The following MKLN1 variants were observed in gnomAD, a reference collection of about 807,000 sequenced individuals.
The protein encoded by MKLN1 is muskelin 1, also known as muskelin.
In MKLN1, 18 loss-of-function variants were observed where a neutral mutation model predicts 99.0. The observed-to-expected ratio is 0.18, with a 90% confidence interval of 0.13 to 0.27. The LOEUF (loss-of-function observed/expected upper bound fraction) is 0.27, where lower values mean the gene tolerates loss of function less well. MKLN1 is among the 10% of genes least tolerant of loss of function. The pLI is 1.00. For synonymous variants in MKLN1, 288 were observed against 293.2 expected (o/e 0.98, Z 0.18); for missense variants, 621 against 875.9 (o/e 0.71, Z 3.67).
At chr7:131,295,934 G>A (rs1429211907) in intron 3 of MKLN1, among the ~76,000 whole-genome samples, 1 of 150,670 alleles carries the variant, frequency 6.6e-6, no homozygotes, top group African/African-American at 2.4e-5. Flanking sequence ...AGCTTCATTA[G>A]TGCTTAGAAA....
intron 4 of MKLN1, among the ~76,000 whole-genome samples, chr7:131,395,592 G>T (rs1466634672): frequency 6.6e-6 from 1 of 151,592 alleles, no homozygotes; most frequent in Non-Finnish European, 1.5e-5. Context: ...GTACCAAGGT[G>T]CTAGCAGTTT....
chr7:131,387,639 T>G (rs1285245046), intron 3 of MKLN1, among the ~76,000 whole-genome samples: 2 of 152,128 alleles, frequency 1.3e-5, no homozygotes, highest in African/African-American at 2.4e-5. Context: ...ATTGCCCTAA[T>G]CCAGAAGCAA....
intron 3 of MKLN1, among the ~76,000 whole-genome samples, chr7:131,292,999 A>G (rs961765801): frequency 6.6e-6 from 1 of 152,204 alleles, no homozygotes; most frequent in African/African-American, 2.4e-5. Flanking sequence ...ACTGATTGCA[A>G]TAGGAGGTTG....
At chr7:131,281,763 C>T (rs1472777103) in intron 3 of MKLN1, among the ~76,000 whole-genome samples, 1 of 151,828 alleles carries the variant, frequency 6.6e-6, no homozygotes, top group Non-Finnish European at 1.5e-5. Context: ...CTCACTGCAA[C>T]CTCCAACTTG....
At chr7:131,422,859 A>C (rs1179627232) in intron 8 of MKLN1, among the ~76,000 whole-genome samples, 1 of 152,064 alleles carries the variant, frequency 6.6e-6, no homozygotes, top group Non-Finnish European at 1.5e-5. Context: ...AGGGAATCCT[A>C]TCATTCATGC....
rs748131123 is a variant in MKLN1 at position 131,328,017 on chromosome 7, C to T, written c.98+20C>T. The T allele has an allele frequency of 1.9e-6, 3 of 1,612,810 alleles. No individual in the cohort carries two copies. The highest frequency in any genetic ancestry group is 2.5e-6 in the Non-Finnish European group (3 of 1,179,496). ...TCCCGAGTAAGTGCCGGGCCTTGAG[C>T]TCGTGCTGCCCCACCCTTCCGCGTC... On this transcript the variant is annotated intron_variant, in intron 1 of 17. Coordinates refer to ENST00000352689, the MANE Select transcript of MKLN1 (RefSeq NM_013255.5).
intron 11 of MKLN1, among the ~76,000 whole-genome samples, chr7:131,445,540 G>A (rs1795986974): frequency 6.6e-6 from 1 of 151,794 alleles, no homozygotes; most frequent in African/African-American, 2.4e-5. Flanking sequence ...AAAGGAAGAA[G>A]GAACCTGTAT....
chr7:131,342,766 C>T (rs972845337), intron 1 of MKLN1, among the ~76,000 whole-genome samples: 5 of 152,102 alleles, frequency 3.3e-5, no homozygotes, highest in East Asian at 1.9e-4. Flanking sequence ...TTAAGTCTTT[C>T]GCATCTATGG....
At chr7:131,174,953 TGATAGATAGATA>T (rs150554970) in intron 2 of MKLN1, among the ~76,000 whole-genome samples, 16,039 of 140,682 alleles carry the variant, frequency 0.11, 960 homozygotes, top group African/African-American at 0.14. Flanking sequence ...AACTGGTAGA[TGATAGATAGATA>T]GATAGATAGA....
At chr7:131,231,119 CAAAAAAAA>C (rs58048470) in intron 3 of MKLN1, among the ~76,000 whole-genome samples, 3 of 60,368 alleles carry the variant, frequency 5.0e-5, no homozygotes, top group East Asian at 6.3e-4. Flanking sequence ...GACTCTGTCT[CAAAAAAAA>C]AAAAAAAAAA....
chr7:131,438,693 A>C lies in MKLN1; in HGVS notation c.1173+696A>C, dbSNP rs1420448358. Among the ~76,000 whole-genome samples, 3 of 152,024 alleles carry C rather than the reference A, an allele frequency of 2.0e-5. No homozygotes were observed. The East Asian group carries it at 5.8e-4, about 29-fold the overall frequency. Reference sequence around the variant, plus strand: ...GTAACCATTTTGAATTCCATAAGCAAGTTTTTACCTGGCTCAACCCATGTC... The same window carrying C: ...GTAACCATTTTGAATTCCATAAGCACGTTTTTACCTGGCTCAACCCATGTC... On this transcript the variant is annotated intron_variant, in intron 10 of 17. Coordinates refer to ENST00000352689, the MANE Select transcript of MKLN1 (RefSeq NM_013255.5).
chr7:131,397,135 A>G, intron 4 of MKLN1, 132 bp from the exon 5 acceptor site: 1 of 609,328 alleles, frequency 1.6e-6, no homozygotes. Flanking sequence ...GCACCATGCT[A>G]GTCATATAAA....
In MKLN1 at chr7:131,117,847, G is replaced by T. The variant is rs543284363; in HGVS notation, c.-419+7640G>T. Among the ~76,000 whole-genome samples the T allele has an allele frequency of 4.7e-4, 71 of 152,256 alleles. 1 individual carries two copies. The highest frequency in any genetic ancestry group is 9.6e-4 in the Non-Finnish European group (65 of 68,024). ...AACTGATGATTGATTGGAAATAGTG[G>T]GTTATGGAGAGGGAGACATTGTCAT... On this transcript the variant is annotated intron_variant, in intron 1 of 7. Transcript: ENST00000416992.
chr7:131,179,320 T>C (rs2551814), intron 2 of MKLN1, among the ~76,000 whole-genome samples: 142,548 of 152,176 alleles, frequency 0.94, 67,045 homozygotes, highest in East Asian at 1. Context: ...TGCTGTGTGG[T>C]CAGCACTTCC....
At position 131,232,540 on chromosome 7, in the gene MKLN1, G is replaced by C. The variant is rs777153416; in HGVS notation, c.-179+29566G>C. Reference sequence around the variant, plus strand: ...TTTATAATTATAGTGATATTGATTGGCTTTCCATCACCTTCCTAGAATTAT... The same window carrying C: ...TTTATAATTATAGTGATATTGATTGCCTTTCCATCACCTTCCTAGAATTAT... On this transcript the variant is annotated intron_variant, in intron 3 of 7. Transcript: ENST00000416992. Among the ~76,000 whole-genome samples the C allele has an allele frequency of 5.9e-5, 9 of 152,250 alleles. No individual in the cohort carries two copies. The Middle Eastern group carries it at 0.01, about 173-fold the overall frequency.
At chr7:131,279,644 CA>C (rs1202422684) in intron 3 of MKLN1, among the ~76,000 whole-genome samples, 2 of 151,862 alleles carry the variant, frequency 1.3e-5, no homozygotes, top group African/African-American at 4.8e-5. Flanking sequence ...CCAATCTTTA[CA>C]AAAAATAAAA....
chr7:131,125,088 C>T (rs539070378), intron 1 of MKLN1, among the ~76,000 whole-genome samples: 1 of 152,318 alleles, frequency 6.6e-6, no homozygotes, highest in South Asian at 2.1e-4. Context: ...CTACTCCTAG[C>T]ATGCCTTGTG....
intron 11 of MKLN1, 59 bp from the exon 12 acceptor site, chr7:131,445,715 C>T (rs1795993213): frequency 2.1e-6 from 3 of 1,430,530 alleles, no homozygotes; most frequent in Non-Finnish European, 2.9e-6. Context: ...AAGGATCATT[C>T]TGAGTTCTTC....
chr7:131,241,349 G>A (rs1174917480), intron 3 of MKLN1, among the ~76,000 whole-genome samples: 2 of 141,220 alleles, frequency 1.4e-5, no homozygotes, highest in Non-Finnish European at 3.0e-5. Context: ...CTGCACTCCA[G>A]CCTGGAAGAC....
Sources: gnomAD v4.1 joint callset for allele counts (sites outside exome capture counted in the v4.1 genomes callset) on GRCh38, gnomAD v4.1.1 for gene constraint, MANE v1.5 for transcripts, NCBI Gene and HGNC (gene_info 2026-07-23, HGNC 2026-07-21) for gene names.